GRM7: variants seen among roughly 807,000 people sequenced by gnomAD.
The protein encoded by GRM7 is metabotropic glutamate receptor 7.
GRM7 carries 35 observed loss-of-function variants against 84.5 expected under a neutral mutation model. The observed-to-expected ratio is 0.41, with a 90% CI of 0.32 to 0.55. The LOEUF is 0.55. Among genes scored for constraint, GRM7 ranks in the 20% least tolerant of loss-of-function variants. GRM7 has a pLI of 0.19. For synonymous variants in GRM7, 487 were observed against 455.1 expected, an observed-to-expected ratio of 1.07 and a Z score of -0.89; for missense variants, 1,003 against 1,194.6, an observed-to-expected ratio of 0.84 and a Z score of 2.36.
intron 4 of GRM7, among the ~76,000 whole-genome samples, chr3:7,397,108 C>G (rs1277721598): frequency 6.6e-6 from 1 of 152,008 alleles, no homozygotes; most frequent in African/African-American, 2.4e-5. Flanking sequence ...AGTATTCATT[C>G]TGATTGTTAA....
At chr3:7,392,827 G>T (rs942381872) in intron 4 of GRM7, among the ~76,000 whole-genome samples, 1 of 152,206 alleles carries the variant, frequency 6.6e-6, no homozygotes, top group Non-Finnish European at 1.5e-5. Context: ...TGGGTGAAAA[G>T]CTGTGAGAAG....
chr3:7,465,527 C>G (rs1559342204), intron 7 of GRM7, among the ~76,000 whole-genome samples: 2 of 152,272 alleles, frequency 1.3e-5, no homozygotes, highest in Admixed American at 6.5e-5. Context: ...TGATTGGTTT[C>G]TCTCCAACAT....
chr3:7,212,430 C>T (rs1243223558), intron 2 of GRM7, among the ~76,000 whole-genome samples: 1 of 151,906 alleles, frequency 6.6e-6, no homozygotes, highest in African/African-American at 2.4e-5. Flanking sequence ...ATAATTAAAA[C>T]AAAACAAAAT....
At position 7,302,609 on chromosome 3, in the gene GRM7, A is replaced by G. The variant is rs76020302; in HGVS notation, c.878+3784A>G. On this transcript the variant is annotated intron_variant, in intron 3 of 9. Transcript: ENST00000357716. ...ATTCTATGCTTTTAACTATGCATAT[A>G]TACACATATACAGGCAATTTTTGGT... is the stretch of plus-strand genomic sequence containing the variant. Among the ~76,000 whole-genome samples the G allele has an allele frequency of 3.9e-4, 59 of 152,282 alleles. No homozygotes were observed. The East Asian group carries it at 8.7e-3, about 22-fold the overall frequency.
chr3:7,126,030 G>T (rs950504478), intron 1 of GRM7, among the ~76,000 whole-genome samples: 1 of 152,186 alleles, frequency 6.6e-6, no homozygotes, highest in African/African-American at 2.4e-5. Flanking sequence ...GGAAACAGAA[G>T]AATAGAAAAT....
intron 1 of GRM7, among the ~76,000 whole-genome samples, chr3:6,982,744 T>C (rs1694256757): frequency 6.6e-6 from 1 of 152,238 alleles, no homozygotes; most frequent in South Asian, 2.1e-4. Context: ...GCATATAGTA[T>C]GAAACTAGCT....
intron 9 of GRM7, among the ~76,000 whole-genome samples, chr3:7,735,774 T>C (rs1417260679): frequency 6.6e-6 from 1 of 152,156 alleles, no homozygotes; most frequent in African/African-American, 2.4e-5. Flanking sequence ...ACTTTGCACC[T>C]TTATGTGCCT....
intron 2 of GRM7, among the ~76,000 whole-genome samples, chr3:7,162,788 C>G: frequency 1.5e-5 from 1 of 67,828 alleles, no homozygotes; most frequent in Non-Finnish European, 2.9e-5. Context: ...GAGATGGAGT[C>G]TCATTCTGTT....
chr3:7,262,857 C>G (rs1184552648), intron 2 of GRM7, among the ~76,000 whole-genome samples: 1 of 152,132 alleles, frequency 6.6e-6, no homozygotes, highest in Non-Finnish European at 1.5e-5. Flanking sequence ...GCCACTGCAC[C>G]CAGCTAATTT....
intron 3 of GRM7, among the ~76,000 whole-genome samples, chr3:7,304,196 A>C (rs1024035438): frequency 2.6e-5 from 4 of 152,020 alleles, no homozygotes; most frequent in African/African-American, 9.7e-5. Context: ...AGAGCTACTG[A>C]ACAAATATGC....
intron 1 of GRM7, among the ~76,000 whole-genome samples, chr3:6,887,986 G>A (rs1695769644): frequency 6.6e-6 from 1 of 152,146 alleles, no homozygotes; most frequent in African/African-American, 2.4e-5. Context: ...GGCCAGTGAT[G>A]GTGAGCATTT....
intron 7 of GRM7, among the ~76,000 whole-genome samples, chr3:7,561,147 A>C (rs1231431793): frequency 3.3e-5 from 5 of 152,098 alleles, no homozygotes; most frequent in Non-Finnish European, 7.4e-5. Flanking sequence ...AATCTAGTGC[A>C]TTCATGCTTT....
chr3:7,211,722 A>C (rs1696436139), intron 2 of GRM7, among the ~76,000 whole-genome samples: 1 of 151,966 alleles, frequency 6.6e-6, no homozygotes, highest in Non-Finnish European at 1.5e-5. Context: ...AATAGCTACA[A>C]AAGGCAAGTA....
intron 4 of GRM7, among the ~76,000 whole-genome samples, chr3:7,388,572 A>C (rs1415757181): frequency 6.6e-6 from 1 of 151,982 alleles, no homozygotes; most frequent in Non-Finnish European, 1.5e-5. Flanking sequence ...GTCTGGTCCA[A>C]GGCTTTTTTT....
intron 8 of GRM7, among the ~76,000 whole-genome samples, chr3:7,622,511 A>G (rs556531142): frequency 5.3e-5 from 8 of 152,064 alleles, no homozygotes; most frequent in Non-Finnish European, 1.0e-4. Context: ...ATATAATCCC[A>G]CAAATAGAAA....
At chr3:7,126,603 G>A (rs1693409021) in intron 1 of GRM7, among the ~76,000 whole-genome samples, 1 of 152,200 alleles carries the variant, frequency 6.6e-6, no homozygotes, top group South Asian at 2.1e-4. Flanking sequence ...TATGTGGGGT[G>A]AGGGAAAGGA....
intron 2 of GRM7, among the ~76,000 whole-genome samples, chr3:7,296,587 A>T (rs967598144): frequency 1.3e-5 from 2 of 152,114 alleles, no homozygotes; most frequent in Admixed American, 1.3e-4. Flanking sequence ...ATTACTATGC[A>T]TTCAGTTTTG....
intron 1 of GRM7, among the ~76,000 whole-genome samples, chr3:6,916,901 G>A (rs1236469983): frequency 2.0e-5 from 3 of 152,150 alleles, no homozygotes. Context: ...GTGGCTGGGT[G>A]GGGGCAGAAA....
chr3:7,510,418 T>C (rs1350730710), intron 7 of GRM7, among the ~76,000 whole-genome samples: 3 of 152,206 alleles, frequency 2.0e-5, no homozygotes, highest in Non-Finnish European at 4.4e-5. Context: ...AGCTGTATTC[T>C]CAGTGCCTAT....
Sources: gnomAD v4.1 joint callset for allele counts (sites outside exome capture counted in the v4.1 genomes callset) on GRCh38, gnomAD v4.1.1 for gene constraint, MANE v1.5 for transcripts, NCBI Gene and HGNC (gene_info 2026-07-23, HGNC 2026-07-21) for gene names.